NTRK2: variants seen among roughly 807,000 people sequenced by gnomAD.
NTRK2 encodes BDNF/NT-3 growth factors receptor.
In NTRK2, 13 loss-of-function variants were observed where a neutral mutation model predicts 94.5. The observed-to-expected ratio is 0.14, with a 90% confidence interval of 0.09 to 0.22. NTRK2 has a LOEUF of 0.22. Among genes scored for constraint, NTRK2 ranks in the 10% least tolerant of loss-of-function variants. The probability of loss-of-function intolerance (pLI) is 1.00; values close to 1 mark genes in which losing one functional copy is unlikely to be tolerated. For synonymous variants in NTRK2, 372 were observed against 407.4 expected (o/e 0.91, Z 1.05); for missense variants, 639 against 1,071.2 (o/e 0.60, Z 5.63).
At chr9:84,834,026 C>T (rs1041393014) in intron 12 of NTRK2, among the ~76,000 whole-genome samples, 3 of 152,124 alleles carry the variant, frequency 2.0e-5, no homozygotes, top group Admixed American at 6.5e-5. Flanking sequence ...TCACTACAAT[C>T]GCCATAGCCA....
At chr9:84,860,777 C>G (rs2075297152) in intron 12 of NTRK2, among the ~76,000 whole-genome samples, 1 of 152,128 alleles carries the variant, frequency 6.6e-6, no homozygotes, top group Non-Finnish European at 1.5e-5. Context: ...ACAGGCTGCT[C>G]TCTCTTATCT....
intron 14 of NTRK2, among the ~76,000 whole-genome samples, chr9:84,892,280 A>G (rs2076617887): frequency 6.6e-6 from 1 of 152,214 alleles, no homozygotes; most frequent in Admixed American, 6.5e-5. Context: ...GGCAAAGTAC[A>G]GAAAATATGC....
At chr9:84,741,745 T>TA (rs1401664388) in intron 9 of NTRK2, 147 bp from the exon 10 acceptor site, 8 of 678,086 alleles carry the variant, frequency 1.2e-5, no homozygotes, top group Admixed American at 4.6e-5. Flanking sequence ...CTCAAGAACT[T>TA]AAAGTTTTGT....
intron 14 of NTRK2, among the ~76,000 whole-genome samples, chr9:84,915,856 A>G (rs1269587558): frequency 1.3e-5 from 2 of 152,182 alleles, no homozygotes; most frequent in Admixed American, 6.5e-5. Flanking sequence ...CTTGCTATAT[A>G]TGTGACTTCT....
At position 84,724,121 on chromosome 9, in the gene NTRK2, C is replaced by T. The variant is rs2062273184; in HGVS notation, c.721-103C>T. The stretch of plus-strand genomic sequence containing the variant: ...TTCAGGCAGAGAAGCTTTTCTAATG[C>T]TATATATACATATTTTCTCTAGTTA... On this transcript the variant is annotated intron_variant, in intron 7 of 18. Coordinates refer to ENST00000277120, the MANE Select transcript of NTRK2 (RefSeq NM_006180.6). 4 of 1,200,254 alleles carry T rather than the reference C, an allele frequency of 3.3e-6. No individual in the cohort carries two copies. The South Asian group carries it at 3.7e-5, about 11-fold the overall frequency. 74.4% of individuals were successfully genotyped at this position (1,200,254 alleles called of 1,614,324 possible).
chr9:84,917,035 A>G (rs542867780), intron 14 of NTRK2, among the ~76,000 whole-genome samples: 5 of 151,990 alleles, frequency 3.3e-5, no homozygotes, highest in Admixed American at 2.0e-4. Context: ...ACAGCCTCCT[A>G]CTGTCTCAGT....
At chr9:84,801,112 A>G (rs1187283) in intron 12 of NTRK2, among the ~76,000 whole-genome samples, 104,253 of 152,092 alleles carry the variant, frequency 0.69, 36,648 homozygotes, top group Non-Finnish European at 0.75. Context: ...GGAAGGCACT[A>G]AGGTACTCAC....
At chr9:84,793,871 C>G (rs148562921) in intron 12 of NTRK2, among the ~76,000 whole-genome samples, 1 of 152,192 alleles carries the variant, frequency 6.6e-6, no homozygotes, top group Non-Finnish European at 1.5e-5. Context: ...TACATATTGT[C>G]GATGCCTGCT....
chr9:84,885,921 C>G lies in NTRK2; in HGVS notation c.1633+18490C>G, dbSNP rs143020830. On this transcript the variant is annotated intron_variant, in intron 14 of 18. Transcript: ENST00000277120. ...GTGGCGGCGCCTGTAATCCCAGCTA[C>G]TCAGGAGGCTGAGGCAGGAGAATCG... 4.7e-3 allele frequency among the ~76,000 whole-genome samples: 708 copies of G among 152,142 alleles called. 13 individuals are homozygous for G. The highest frequency in any genetic ancestry group is 0.038 in the Admixed American group (577 of 15,284).
chr9:84,874,523 G>A, intron 14 of NTRK2: 1 of 1,065,584 alleles, frequency 9.4e-7, no homozygotes, highest in Non-Finnish European at 1.1e-6. Flanking sequence ...TGCTGAGGTT[G>A]TAGTGGGTTT....
intron 14 of NTRK2, among the ~76,000 whole-genome samples, chr9:84,929,141 T>G (rs149349873): frequency 5.9e-5 from 9 of 152,352 alleles, no homozygotes; most frequent in African/African-American, 2.2e-4. Flanking sequence ...CCTGTGTGTA[T>G]ATATGGAATA....
intron 12 of NTRK2, among the ~76,000 whole-genome samples, chr9:84,830,513 G>A (rs552920826): frequency 3.3e-5 from 5 of 151,368 alleles, no homozygotes; most frequent in South Asian, 2.1e-4. Flanking sequence ...GTGTGAGCAT[G>A]CGTGTATGTG....
chr9:84,996,631 G>A (rs1037194722), intron 17 of NTRK2, among the ~76,000 whole-genome samples: 1 of 152,222 alleles, frequency 6.6e-6, no homozygotes, highest in East Asian at 1.9e-4. Context: ...CTGGGGTAGC[G>A]AGCCCTGCAT....
At chr9:84,767,130 T>G (rs2066111086) in intron 12 of NTRK2, among the ~76,000 whole-genome samples, 1 of 152,180 alleles carries the variant, frequency 6.6e-6, no homozygotes, top group African/African-American at 2.4e-5. Context: ...TTTTATACAG[T>G]CTAATCTACT....
chr9:85,009,507 A>G (rs1190518682), intron 17 of NTRK2, among the ~76,000 whole-genome samples: 1 of 152,232 alleles, frequency 6.6e-6, no homozygotes, highest in Non-Finnish European at 1.5e-5. Flanking sequence ...ATCGCAAAGC[A>G]GCTGCTGCTT....
chr9:84,988,819 C>A (rs1426947215), intron 17 of NTRK2, among the ~76,000 whole-genome samples: 1 of 152,232 alleles, frequency 6.6e-6, no homozygotes, highest in Non-Finnish European at 1.5e-5. Flanking sequence ...GCACAACAGG[C>A]AGGTTGGCCT....
chr9:84,915,231 T>C (rs1224949110), intron 14 of NTRK2, among the ~76,000 whole-genome samples: 3 of 152,026 alleles, frequency 2.0e-5, no homozygotes, highest in South Asian at 2.1e-4. Context: ...AGTCAGGGGG[T>C]TGGGGACCCT....
At chr9:85,016,522 T>TC (rs1301215971) in intron 17 of NTRK2, among the ~76,000 whole-genome samples, 2 of 152,194 alleles carry the variant, frequency 1.3e-5, no homozygotes, top group Non-Finnish European at 2.9e-5. Context: ...AGCAAGGGCA[T>TC]GAGGGCAAGT....
intron 17 of NTRK2, among the ~76,000 whole-genome samples, chr9:84,988,215 G>A (rs113411740): frequency 0.019 from 2,888 of 152,282 alleles, 53 homozygotes; most frequent in Middle Eastern, 0.044. Context: ...ATGCAGCCAC[G>A]CCAACCAGAG....
Sources: gnomAD v4.1 joint callset for allele counts (sites outside exome capture counted in the v4.1 genomes callset) on GRCh38, gnomAD v4.1.1 for gene constraint, MANE v1.5 for transcripts, NCBI Gene and HGNC (gene_info 2026-07-23, HGNC 2026-07-21) for gene names.